Variants in ZBTB43 observed in about 807,000 individuals in gnomAD.
ZBTB43 encodes the protein zinc finger and BTB domain containing 43, also known as zinc finger and BTB domain-containing protein 43.
Under a neutral mutation model 31.1 loss-of-function variants are expected in ZBTB43, and 6 were observed. The observed-to-expected ratio is 0.19, with a 90% CI of 0.11 to 0.38. The LOEUF (loss-of-function observed/expected upper bound fraction) is 0.38, where lower values mean the gene tolerates loss of function less well. Ranked by LOEUF, ZBTB43 falls within the 10% of genes least tolerant of loss-of-function variation. The pLI, the probability that ZBTB43 is intolerant of heterozygous loss-of-function variation, is 1.00. For synonymous variants in ZBTB43, 212 were observed against 221.7 expected (o/e 0.96, Z 0.39); for missense variants, 379 against 602.1 (o/e 0.63, Z 3.88).
intron 2 of ZBTB43, among the ~76,000 whole-genome samples, chr9:126,817,094 C>T (rs2032401947): frequency 7.3e-6 from 1 of 137,042 alleles, no homozygotes; most frequent in Non-Finnish European, 1.5e-5. Context: ...CCCATTTCCA[C>T]TGTATCTTTT....
upstream of ZBTB43, chr9:126,804,902 C>G (rs971487199): frequency 6.6e-6 from 1 of 152,620 alleles, no homozygotes; most frequent in Middle Eastern, 3.4e-3. Flanking sequence ...CCGCTACCTC[C>G]GCGCTCTCTC....
chr9:126,821,391 A>C (rs2032505804), intron 2 of ZBTB43, among the ~76,000 whole-genome samples: 2 of 152,064 alleles, frequency 1.3e-5, no homozygotes. Context: ...AAAAAGAAAA[A>C]AAGAAACACA....
Position 126,832,737 on chromosome 9 carries a change from G to A in ZBTB43, c.228G>A (p.Met76Ile). The A allele has an allele frequency of 6.2e-7, 1 of 1,614,164 alleles. No individual in the cohort carries two copies. The highest frequency in any genetic ancestry group is 1.1e-5 in the South Asian group (1 of 91,074). The change falls in exon 3 of 3, where the codon ATG becomes ATA. Residue 76 changes from methionine to isoleucine, a missense_variant. By Grantham distance (10) the Met-to-Ile change is conservative. Transcript: ENST00000373464. ...GGAGAATTGTTTTGCCTGATGTGAT[G>A]AACCCAAGAGTGTTTGAGAACATTC... ...NSRRIVLPDV[M>I]NPRVFENILL...
At chr9:126,829,484 T>C (rs766564096) in intron 2 of ZBTB43, among the ~76,000 whole-genome samples, 2 of 152,188 alleles carry the variant, frequency 1.3e-5, no homozygotes, top group Non-Finnish European at 2.9e-5. Flanking sequence ...TTAGCTCTTT[T>C]TGTGCTAATG....
Position 126,833,918 on chromosome 9 carries a change from A to G in ZBTB43, c.*5A>G. On this transcript the variant is annotated 3_prime_UTR_variant, in exon 3 of 3. Coordinates refer to ENST00000373464, the MANE Select transcript of ZBTB43 (RefSeq NM_014007.4). This position sits in a 1 kb window ranked among gnomAD's most constrained non-coding sequence, Gnocchi z 7.9. The stretch of plus-strand genomic sequence containing the variant: ...AATACAACTGAGGCTAACTAAAAAT[A>G]GGATCTGGCCCTTGAGTGGCATGCA... 12 of 1,572,680 alleles carry G rather than the reference A, an allele frequency of 7.6e-6. No homozygotes were observed. The highest frequency in any genetic ancestry group is 1.0e-5 in the Non-Finnish European group (12 of 1,150,662).
rs768016149 is a variant in ZBTB43 at position 126,832,657 on chromosome 9, G to A, written c.148G>A (p.Val50Ile). ...QGHIFRAHKA[V>I]LAASSPYFCD... ...CCACATTTTCCGGGCACACAAAGCCGTTCTTGCTGCCAGTTCACCCTACTT... is the reference window on the plus strand; with the variant it reads ...CCACATTTTCCGGGCACACAAAGCCATTCTTGCTGCCAGTTCACCCTACTT... Residue 50 changes from valine (V) to isoleucine (I), a missense_variant, in exon 3 of 3, where the codon GTT becomes ATT. Val to Ile is a conservative substitution (Grantham distance 29, BLOSUM62 3). Coordinates refer to ENST00000373464, the MANE Select transcript of ZBTB43 (RefSeq NM_014007.4). 14 of 1,614,142 alleles carry A rather than the reference G, an allele frequency of 8.7e-6. No individual in the cohort carries two copies. The highest frequency in any genetic ancestry group is 1.7e-5 in the Admixed American group (1 of 60,004).
At chr9:126,830,967 A>G (rs77239085) in intron 2 of ZBTB43, among the ~76,000 whole-genome samples, 101 of 152,306 alleles carry the variant, frequency 6.6e-4, no homozygotes, top group African/African-American at 2.3e-3. Context: ...TCTTTGGTCT[A>G]TAGACAGTTT....
At chr9:126,829,860 C>T (rs1275179323) in intron 2 of ZBTB43, among the ~76,000 whole-genome samples, 1 of 152,140 alleles carries the variant, frequency 6.6e-6, no homozygotes, top group African/African-American at 2.4e-5. Flanking sequence ...TTAGTCTACT[C>T]ATTTATATAG....
intron 2 of ZBTB43, among the ~76,000 whole-genome samples, chr9:126,831,160 C>T (rs2032753757): frequency 6.6e-6 from 1 of 152,174 alleles, no homozygotes; most frequent in Admixed American, 6.5e-5. Context: ...CCTCACTGCT[C>T]AAGCCCCCAG....
chr9:126,813,908 T>G (rs936040172), intron 2 of ZBTB43, among the ~76,000 whole-genome samples: 1 of 152,202 alleles, frequency 6.6e-6, no homozygotes. Context: ...TAGTCACATG[T>G]AATCAAATGT....
intron 2 of ZBTB43, among the ~76,000 whole-genome samples, chr9:126,827,411 T>G (rs964762307): frequency 6.6e-6 from 1 of 152,190 alleles, no homozygotes; most frequent in Non-Finnish European, 1.5e-5. Flanking sequence ...AGCCAGCTGC[T>G]GTGGGAACAC....
Position 126,835,968 on chromosome 9 carries a change from TC to T in ZBTB43, c.*2057del, listed in dbSNP as rs1386636307. On this transcript the variant is annotated 3_prime_UTR_variant, in exon 3 of 3. Coordinates refer to ENST00000373464, the MANE Select transcript of ZBTB43 (RefSeq NM_014007.4). ...ATTTGAGGAGAAATTGTTCTATTAC[TC>T]CTACTAATTTCAGTACTAAGGTGGT... 1.8e-5 allele frequency: 3 copies of T among 167,104 alleles called. No individual in the cohort carries two copies. The highest frequency in any genetic ancestry group is 4.1e-4 in the South Asian group (2 of 4,834). 10.4% of individuals were successfully genotyped at this position (167,104 alleles called of 1,614,324 possible). A position where few individuals can be genotyped will look rare whatever the true frequency, so the allele number is the denominator to read the frequency against.
chr9:126,819,158 A>C (rs2032456303), intron 2 of ZBTB43, among the ~76,000 whole-genome samples: 2 of 152,124 alleles, frequency 1.3e-5, no homozygotes, highest in African/African-American at 4.8e-5. Flanking sequence ...CAGTCTTGTT[A>C]AGTGTATTAA....
At position 126,834,651 on chromosome 9, in the gene ZBTB43, T is replaced by G. The variant is rs2032842832; in HGVS notation, c.*738T>G. The G allele has an allele frequency of 6.0e-6, 1 of 166,984 alleles. No homozygotes were observed. The highest frequency in any genetic ancestry group is 6.5e-5 in the Admixed American group (1 of 15,290). 10.3% of individuals were successfully genotyped at this position (166,984 alleles called of 1,614,324 possible). A position where few individuals can be genotyped will look rare whatever the true frequency, so the allele number is the denominator to read the frequency against. ...ATTGAGTTTGGACAATTTTATCTAATTGTAATTCTCTAGGGTGCCAGAGAT... is the reference window on the plus strand; with the variant it reads ...ATTGAGTTTGGACAATTTTATCTAAGTGTAATTCTCTAGGGTGCCAGAGAT... On this transcript the variant is annotated 3_prime_UTR_variant, in exon 3 of 3. Transcript: ENST00000373464.
chr9:126,826,013 A>T (rs1215461264), intron 2 of ZBTB43, among the ~76,000 whole-genome samples: 9 of 121,012 alleles, frequency 7.4e-5, no homozygotes, highest in East Asian at 2.5e-4. Flanking sequence ...TGCCCAGCCA[A>T]TTTTTTTTTT....
At chr9:126,810,114 C>T (rs941081643) in intron 2 of ZBTB43, among the ~76,000 whole-genome samples, 3 of 152,064 alleles carry the variant, frequency 2.0e-5, no homozygotes, top group African/African-American at 4.8e-5. Context: ...GGATTACAGA[C>T]GTGAGCCACC....
intron 2 of ZBTB43, among the ~76,000 whole-genome samples, 164 bp downstream of exon 2, chr9:126,809,079 A>G (rs1363634559): frequency 6.6e-6 from 1 of 152,236 alleles, no homozygotes; most frequent in Admixed American, 6.5e-5. Context: ...AAGGCCCATC[A>G]ATGCCATACT....
intron 2 of ZBTB43, among the ~76,000 whole-genome samples, chr9:126,816,726 C>T (rs898181807): frequency 6.6e-6 from 1 of 152,110 alleles, no homozygotes; most frequent in African/African-American, 2.4e-5. Context: ...GAGGGGTAGG[C>T]CTTAGGCCCT....
intron 2 of ZBTB43, among the ~76,000 whole-genome samples, chr9:126,811,846 G>A (rs1187453109): frequency 6.6e-6 from 1 of 152,114 alleles, no homozygotes. Flanking sequence ...GGCTGGTCTC[G>A]AACTCCCGAC....
Sources: gnomAD v4.1 joint callset for allele counts (sites outside exome capture counted in the v4.1 genomes callset) on GRCh38, gnomAD v4.1.1 for gene constraint, Gnocchi (gnomAD v3.1) non-coding constraint, MANE v1.5 for transcripts, NCBI Gene and HGNC (gene_info 2026-07-23, HGNC 2026-07-21) for gene names.